Variants in MIP observed in about 807,000 individuals in gnomAD.
MIP encodes major intrinsic protein of lens fiber, also known as lens fiber major intrinsic protein.
Under a neutral mutation model 21.8 loss-of-function variants are expected in MIP, and 14 were observed. The observed-to-expected ratio is 0.64, with a 90% CI of 0.42 to 1.00. The LOEUF (loss-of-function observed/expected upper bound fraction) is 1.00. Ranked by LOEUF, MIP falls within the 50% of genes least tolerant of loss-of-function variation. The pLI is 0.00. For missense variants in MIP, 260 were observed against 333.5 expected, an observed-to-expected ratio of 0.78 and a Z score of 1.72; for synonymous variants, 133 against 141.4, an observed-to-expected ratio of 0.94 and a Z score of 0.42.
rs1868547446 is a variant in MIP, at chr12:56,450,244, C to A, written c.*1036G>T. 3 of 152,112 alleles carry A rather than the reference C, an allele frequency of 2.0e-5. No homozygotes were observed. Among genetic ancestry groups the A allele is most frequent in the Admixed American group, 2.0e-4 (3 of 15,268 alleles). The allele number at this position is 152,112 out of a possible 1,614,324, so 9.4% of individuals were successfully genotyped here. On this transcript the variant is annotated 3_prime_UTR_variant, in exon 4 of 4. Transcript: ENST00000652304. Reference sequence around the variant, plus strand: ...AACTAGTGATAAAAGCAGAAAGATGCCATTTGAGGAGTGTTTTGATTTGCT... The same window carrying A: ...AACTAGTGATAAAAGCAGAAAGATGACATTTGAGGAGTGTTTTGATTTGCT...
intron 2 of MIP, 58 bp downstream of exon 2, chr12:56,453,533 G>A: frequency 6.3e-7 from 1 of 1,597,204 alleles, no homozygotes; most frequent in Middle Eastern, 1.7e-4. Flanking sequence ...TTAAAAGTTG[G>A]GAAAGGTTTA....
At chr12:56,453,341 G>A (rs1359072769) in intron 2 of MIP, among the ~76,000 whole-genome samples, 189 bp from the exon 3 acceptor site, 1 of 152,206 alleles carries the variant, frequency 6.6e-6, no homozygotes, top group African/African-American at 2.4e-5. Context: ...TCTGGGAACA[G>A]ACTATGGATC....
At chr12:56,451,870 C>T (rs1019411827) in intron 3 of MIP, among the ~76,000 whole-genome samples, 6 of 152,078 alleles carry the variant, frequency 3.9e-5, no homozygotes, top group African/African-American at 1.4e-4. Context: ...GGAGAAACCC[C>T]ATCTCTACTA....
Position 56,451,228 on chromosome 12 carries a change from C to G in MIP, c.*52G>C. 1 of 1,559,250 alleles carries G rather than the reference C, an allele frequency of 6.4e-7. No individual in the cohort carries two copies. Among genetic ancestry groups the G allele is most frequent in the Non-Finnish European group, 8.8e-7 (1 of 1,132,282 alleles). ...TTTCTTCATCTAGGGGCTGGCTAAA[C>G]CCCTCCACGTAAACTCAGAAGCTTT... is the stretch of plus-strand genomic sequence containing the variant. On this transcript the variant is annotated 3_prime_UTR_variant, in exon 4 of 4. Coordinates refer to ENST00000652304, the MANE Select transcript of MIP (RefSeq NM_012064.4).
In MIP at chr12:56,449,518, T is replaced by G. The variant is rs982448023; in HGVS notation, c.*1762A>C. On this transcript the variant is annotated 3_prime_UTR_variant, in exon 4 of 4. Coordinates refer to ENST00000652304, the MANE Select transcript of MIP (RefSeq NM_012064.4). ...AAAAGGGAAGCGAGTGCAGGGACTG[T>G]TTTATGTGAGGTCGATCTAAAAATC... 1 of 152,280 alleles carries G rather than the reference T, an allele frequency of 6.6e-6. No homozygotes were observed. Among genetic ancestry groups the G allele is most frequent in the Non-Finnish European group, 1.5e-5 (1 of 68,022 alleles). The allele number at this position is 152,280 out of a possible 1,614,324, so 9.4% of individuals were successfully genotyped here. A position where few individuals can be genotyped will look rare whatever the true frequency, so the allele number is the denominator to read the frequency against.
Position 56,451,135 on chromosome 12 carries a change from A to C in MIP, c.*145T>G, listed in dbSNP as rs1868592742. The C allele has an allele frequency of 6.0e-6, 4 of 669,740 alleles. No individual in the cohort carries two copies. Among genetic ancestry groups the C allele is most frequent in the Non-Finnish European group, 1.0e-5 (4 of 401,226 alleles). The allele number at this position is 669,740 out of a possible 1,614,324, so 41.5% of individuals were successfully genotyped here. A position where few individuals can be genotyped will look rare whatever the true frequency, so the allele number is the denominator to read the frequency against. On this transcript the variant is annotated 3_prime_UTR_variant, in exon 4 of 4. Coordinates refer to ENST00000652304, the MANE Select transcript of MIP (RefSeq NM_012064.4). ...AAAGATTTCACACAGCAAAAGGAAA[A>C]AAAAAAAAAAAACAACCACATACAT...
chr12:56,451,045 C>A lies in MIP; in HGVS notation c.*235G>T, dbSNP rs1334532096. 2 of 537,182 alleles carry A rather than the reference C, an allele frequency of 3.7e-6. No homozygotes were observed. Among genetic ancestry groups the A allele is most frequent in the East Asian group, 3.3e-5 (1 of 30,678 alleles). The allele number at this position is 537,182 out of a possible 1,614,324, so 33.3% of individuals were successfully genotyped here. On this transcript the variant is annotated 3_prime_UTR_variant, in exon 4 of 4. Coordinates refer to ENST00000652304, the MANE Select transcript of MIP (RefSeq NM_012064.4). ...CATTCATATGCACAATCAGCACACA[C>A]GGCGAAGGGTGGTGGGATGGGGAGG...
chr12:56,454,335 C>T lies in MIP; in HGVS notation c.279G>A (p.Gln93=). ...CGGCCCCAGCCACAGCTCCCAGGAG[C>T]TGGGCTGCCATATAGCAGAAGGCAC... The part of the protein sequence containing the change: ...LLRAFCYMAA[Q]LLGAVAGAAV... Residue 93 remains glutamine, a synonymous_variant, in exon 1 of 4, where the codon CAG becomes CAA. Coordinates refer to ENST00000652304, the MANE Select transcript of MIP (RefSeq NM_012064.4). 2 of 1,613,740 alleles carry T rather than the reference C, an allele frequency of 1.2e-6. No homozygotes were observed. The highest frequency in any genetic ancestry group is 1.7e-6 in the Non-Finnish European group (2 of 1,180,008).
rs1353749513 is a variant in MIP at position 56,453,734 on chromosome 12, C to G, written c.382G>C (p.Gly128Arg). Residue 128 changes from glycine (G) to arginine (R), a missense_variant, in exon 2 of 4, where the codon GGC (glycine) becomes CGC (arginine). Gly to Arg is a moderately radical substitution (Grantham distance 125). Coordinates refer to ENST00000652304, the MANE Select transcript of MIP (RefSeq NM_012064.4). ...AAGATCTCCACTGTGGTTGCCTGGC[C>G]CACGCTCACCGCAGGGTGCAACTGT... ...LNTLHPAVSVGQATTVEIFLT... is the reference protein window; with the variant it reads ...LNTLHPAVSVRQATTVEIFLT... 1.2e-6 allele frequency: 2 copies of G among 1,613,970 alleles called. No homozygotes were observed.
chr12:56,453,781 C>A (rs746323275), intron 1 of MIP, 26 bp from the exon 2 acceptor site: 9 of 1,606,882 alleles, frequency 5.6e-6, no homozygotes, highest in Non-Finnish European at 6.8e-6. Flanking sequence ...AGAAGAGAGA[C>A]AGCTCAGGAG....
rs1023519427 is a variant in MIP, at chr12:56,450,096, C to CATTT, written c.*1180_*1183dup. On this transcript the variant is annotated 3_prime_UTR_variant, in exon 4 of 4. Coordinates refer to ENST00000652304, the MANE Select transcript of MIP (RefSeq NM_012064.4). ...AATAATAATCTCCTGAATTATTAAG[C>CATTT]ATTTGAATAGAAGGAATCAATTTCT... 7 of 151,012 alleles carry CATTT rather than the reference C, an allele frequency of 4.6e-5. No individual in the cohort carries two copies. Among genetic ancestry groups the CATTT allele is most frequent in the African/African-American group, 1.7e-4 (7 of 41,122 alleles). The allele number at this position is 151,012 out of a possible 1,614,324, so 9.4% of individuals were successfully genotyped here.
chr12:56,455,106 G>A (rs1868753641), upstream of MIP, among the ~76,000 whole-genome samples: 1 of 152,122 alleles, frequency 6.6e-6, no homozygotes, highest in South Asian at 2.1e-4. Flanking sequence ...GAGTGGTAAG[G>A]AGTGGGGTTC....
chr12:56,453,856 T>G, intron 1 of MIP, 101 bp from the exon 2 acceptor site: 1 of 1,220,564 alleles, frequency 8.2e-7, no homozygotes, highest in Non-Finnish European at 1.2e-6. Context: ...ATCAGGTCCG[T>G]GGAGAGGAAG....
chr12:56,456,269 A>G (rs1438753981), upstream of MIP, among the ~76,000 whole-genome samples: 1 of 152,136 alleles, frequency 6.6e-6, no homozygotes, highest in African/African-American at 2.4e-5. Flanking sequence ...ATAAAGAGAG[A>G]GGGTAGCACA....
At chr12:56,454,675 C>G, upstream of MIP, 1 of 1,608,768 alleles carries the variant, frequency 6.2e-7, no homozygotes, top group Non-Finnish European at 8.5e-7. Context: ...TCTGGGTGGA[C>G]AGTCCCCTTT....
upstream of MIP, among the ~76,000 whole-genome samples, chr12:56,455,568 C>T (rs1868768293): frequency 6.6e-6 from 1 of 152,088 alleles, no homozygotes; most frequent in Admixed American, 6.6e-5. Flanking sequence ...AAGCCTTGAT[C>T]CCCAGGGAAA....
intron 3 of MIP, 63 bp downstream of exon 3, chr12:56,453,009 G>A: frequency 8.9e-7 from 1 of 1,124,404 alleles, no homozygotes; most frequent in South Asian, 1.2e-5. Context: ...AATCCAGCCT[G>A]GAACCTGCAG....
upstream of MIP, chr12:56,454,696 C>A: frequency 6.4e-7 from 1 of 1,569,342 alleles, no homozygotes; most frequent in Non-Finnish European, 8.7e-7. Context: ...ATAGAGGACT[C>A]TTAATCCCTG....
upstream of MIP, among the ~76,000 whole-genome samples, chr12:56,456,222 G>T (rs531080880): frequency 1.3e-5 from 2 of 152,142 alleles, no homozygotes; most frequent in African/African-American, 4.8e-5. Flanking sequence ...AAGCATGCAG[G>T]GTTCACACTG....
Sources: gnomAD v4.1 joint callset for allele counts (sites outside exome capture counted in the v4.1 genomes callset) on GRCh38, gnomAD v4.1.1 for gene constraint, MANE v1.5 for transcripts, NCBI Gene and HGNC (gene_info 2026-07-23, HGNC 2026-07-21) for gene names.